USP2: variants seen among roughly 807,000 people sequenced by gnomAD.
USP2 encodes ubiquitin specific peptidase 2, also known as ubiquitin carboxyl-terminal hydrolase 2.
In USP2, 33 loss-of-function variants were observed where a neutral mutation model predicts 72.0. The observed-to-expected ratio is 0.46, with a 90% CI of 0.35 to 0.61. The LOEUF (loss-of-function observed/expected upper bound fraction) is 0.61. Among genes scored for constraint, USP2 ranks in the 20% least tolerant of loss-of-function variants. USP2 has a pLI of 0.01. For missense variants in USP2, 691 were observed against 797.8 expected, an observed-to-expected ratio of 0.87 and a Z score of 1.61; for synonymous variants, 296 against 312.5, an observed-to-expected ratio of 0.95 and a Z score of 0.56.
At chr11:119,365,135 A>G (rs961980891) in intron 2 of USP2, among the ~76,000 whole-genome samples, 2 of 151,998 alleles carry the variant, frequency 1.3e-5, no homozygotes, top group African/African-American at 4.8e-5. Flanking sequence ...CTTGCTGGCT[A>G]TTTTTAGCCA....
At chr11:119,372,568 AG>A in intron 2 of USP2, 138 bp downstream of exon 2, 1 of 919,554 alleles carries the variant, frequency 1.1e-6, no homozygotes, top group Non-Finnish European at 1.6e-6. Context: ...CAGATGTGCC[AG>A]GATGACTTCT....
At chr11:119,370,974 A>G (rs1263224129) in intron 2 of USP2, among the ~76,000 whole-genome samples, 2 of 152,122 alleles carry the variant, frequency 1.3e-5, no homozygotes, top group South Asian at 4.1e-4. Flanking sequence ...GATCCCCAGT[A>G]AAGGGGAATA....
At chr11:119,376,960 A>G (rs1951010069) in intron 1 of USP2, among the ~76,000 whole-genome samples, 1 of 152,274 alleles carries the variant, frequency 6.6e-6, no homozygotes, top group Non-Finnish European at 1.5e-5. Context: ...CAACTTACAC[A>G]CCTCTTTGGA....
At chr11:119,367,499 G>A (rs1019057979) in intron 2 of USP2, among the ~76,000 whole-genome samples, 1 of 152,184 alleles carries the variant, frequency 6.6e-6, no homozygotes, top group African/African-American at 2.4e-5. Context: ...TGGACAGACC[G>A]GTGGCCTGAT....
At chr11:119,359,778 T>C (rs1591317888) in intron 3 of USP2, 118 bp from the exon 4 acceptor site, 2 of 1,378,332 alleles carry the variant, frequency 1.5e-6, no homozygotes, top group East Asian at 4.6e-5. Context: ...GAGGCTATCC[T>C]TTCATAGCCT....
chr11:119,356,636 T>G lies in USP2; in HGVS notation c.*199A>C, dbSNP rs886064072. 1.7e-6 allele frequency: 1 copy of G among 579,034 alleles called. No homozygotes were observed. The highest frequency in any genetic ancestry group is 3.0e-6 in the Non-Finnish European group (1 of 336,524). 35.9% of individuals were successfully genotyped at this position (579,034 alleles called of 1,614,324 possible). On this transcript the variant is annotated 3_prime_UTR_variant, in exon 13 of 13. Coordinates refer to ENST00000260187, the MANE Select transcript of USP2 (RefSeq NM_004205.5). ...GGCTCCACGTCCAGGCGATCTTCCC[T>G]GCCGGGCCACAGCTCAGGAAAGCCC... is the stretch of plus-strand genomic sequence containing the variant.
intron 2 of USP2, among the ~76,000 whole-genome samples, chr11:119,366,352 A>G (rs1950852736): frequency 6.6e-6 from 1 of 152,186 alleles, no homozygotes; most frequent in Admixed American, 6.5e-5. Flanking sequence ...GCTCTCTGCC[A>G]ATTACCTACT....
intron 1 of USP2, among the ~76,000 whole-genome samples, chr11:119,375,414 C>T (rs1370124587): frequency 1.3e-5 from 2 of 152,216 alleles, no homozygotes; most frequent in Non-Finnish European, 2.9e-5. Context: ...ACTGTCTAGC[C>T]TTTTGCCACC....
intron 1 of USP2, among the ~76,000 whole-genome samples, chr11:119,374,556 T>C (rs1319682166): frequency 2.0e-5 from 3 of 152,232 alleles, no homozygotes; most frequent in African/African-American, 7.2e-5. Context: ...AGGACTGGAA[T>C]CCAGGTCTTT....
rs199646016 is a variant in USP2, at chr11:119,373,165, C to A, written c.316G>T (p.Gly106Cys). Residue 106 changes from glycine (G) to cysteine (C), a missense_variant, in exon 2 of 13, where the codon GGC becomes TGC. Transcript: ENST00000260187. ...TRGTERPLGSGLSGGSGFPYG... is the reference protein window; with the variant it reads ...TRGTERPLGSCLSGGSGFPYG... ...GGGAATCCGCTGCCCCCGCTGAGGC[C>A]ACTGCCTAAAGGCCGCTCAGTACCC... is the stretch of plus-strand genomic sequence containing the variant. The A allele has an allele frequency of 6.9e-5, 112 of 1,614,026 alleles. No individual in the cohort carries two copies. The highest frequency in any genetic ancestry group is 3.5e-4 in the Admixed American group (21 of 60,008).
At chr11:119,364,234 C>G (rs532485657) in intron 2 of USP2, 14 of 1,076,990 alleles carry the variant, frequency 1.3e-5, no homozygotes, top group Non-Finnish European at 1.6e-5. Flanking sequence ...GCCTCGGGCC[C>G]CGCGACGTCA....
At chr11:119,361,595 A>C (rs1180040293) in intron 2 of USP2, among the ~76,000 whole-genome samples, 1 of 138,644 alleles carries the variant, frequency 7.2e-6, no homozygotes, top group Non-Finnish European at 1.6e-5. Flanking sequence ...CTCAAAGCCC[A>C]TGAGGTTGTC....
rs542969476 is a variant in USP2, at chr11:119,369,226, T to C, written c.774+3481A>G. Among the ~76,000 whole-genome samples, 3 of 152,304 alleles carry C rather than the reference T, an allele frequency of 2.0e-5. No individual in the cohort carries two copies. In the East Asian group the frequency reaches 5.8e-4, roughly 29 times the overall value. The stretch of plus-strand genomic sequence containing the variant: ...AGCTGCGCCCCCCTGGCCTGGCATT[T>C]TGTTGGTGCTTACACAAGCATGGGG... On this transcript the variant is annotated intron_variant, in intron 2 of 12. Transcript: ENST00000260187.
intron 2 of USP2, among the ~76,000 whole-genome samples, chr11:119,361,612 G>T (rs542929732): frequency 3.6e-4 from 55 of 152,088 alleles, no homozygotes; most frequent in Admixed American, 1.1e-3. Flanking sequence ...TGTCAGCTGG[G>T]GGGGAGGGGT....
chr11:119,357,479 T>G lies in USP2; in HGVS notation c.1609+4A>C. The G allele has an allele frequency of 6.2e-7, 1 of 1,614,084 alleles. No individual in the cohort carries two copies. The highest frequency in any genetic ancestry group is 8.5e-7 in the Non-Finnish European group (1 of 1,180,020). On this transcript the variant is annotated splice_donor_region_variant and intron_variant, in intron 11 of 12. Coordinates refer to ENST00000260187, the MANE Select transcript of USP2 (RefSeq NM_004205.5). ...TTCTGCCCTGCCTACTCAAAGATAC[T>G]CACTGGTGTTTTCTGAGGCAAATTC...
intron 2 of USP2, among the ~76,000 whole-genome samples, chr11:119,363,294 C>T (rs1950793295): frequency 1.3e-5 from 2 of 152,230 alleles, no homozygotes; most frequent in Admixed American, 6.5e-5. Flanking sequence ...ACCCGCTGCC[C>T]GCTGCATAAA....
rs1591312818 is a variant in USP2, at chr11:119,356,515, G to A, written c.*320C>T. ...CGCGGGCGCTGCGGCGGGAAGCGGC[G>A]CAGCGAGGGTCTTCCCCCCCAAGAC... On this transcript the variant is annotated 3_prime_UTR_variant, in exon 13 of 13. Coordinates refer to ENST00000260187, the MANE Select transcript of USP2 (RefSeq NM_004205.5). The A allele has an allele frequency of 8.0e-6, 2 of 251,390 alleles. No homozygotes were observed. Among genetic ancestry groups the A allele is most frequent in the East Asian group, 7.1e-5 (1 of 14,096 alleles). The allele number at this position is 251,390 out of a possible 1,614,324, so 15.6% of individuals were successfully genotyped here. A position where few individuals can be genotyped will look rare whatever the true frequency, so the allele number is the denominator to read the frequency against.
Position 119,373,503 on chromosome 11 carries a change from G to A in USP2, c.-23C>T. The stretch of plus-strand genomic sequence containing the variant: ...CATCCTTCAGGGTGGCACTCAGTGG[G>A]GACTGGGAGCCTCATGGGCTGAAAG... On this transcript the variant is annotated 5_prime_UTR_variant, in exon 2 of 13. Transcript: ENST00000260187. 2 of 1,546,222 alleles carry A rather than the reference G, an allele frequency of 1.3e-6. No homozygotes were observed. Among genetic ancestry groups the A allele is most frequent in the South Asian group, 1.2e-5 (1 of 81,774 alleles).
In USP2 at chr11:119,357,167, G is replaced by T; in HGVS notation, c.1730+20C>A. The T allele has an allele frequency of 1.9e-6, 3 of 1,612,752 alleles. No individual in the cohort carries two copies. In the South Asian group the frequency reaches 3.3e-5, roughly 18 times the overall value. The stretch of plus-strand genomic sequence containing the variant: ...GTGGGTGGCTACAGCCAGGGGCTCC[G>T]GCCCTGCCCTGGCTCTCACCTGGAG... On this transcript the variant is annotated intron_variant, in intron 12 of 12. Transcript: ENST00000260187.
Sources: allele counts gnomAD v4.1 joint callset (sites outside exome capture counted in the v4.1 genomes callset), GRCh38; gene constraint gnomAD v4.1.1; transcripts MANE v1.5; gene names NCBI Gene and HGNC (gene_info 2026-07-23, HGNC 2026-07-21).